TNNI2: variants seen among roughly 807,000 people sequenced by gnomAD.
TNNI2 encodes the protein troponin I, fast skeletal muscle.
Under a neutral mutation model 26.5 loss-of-function variants are expected in TNNI2, and 14 were observed. That is an observed-to-expected ratio of 0.53 (90% CI 0.35 to 0.83). TNNI2 has a LOEUF of 0.83. TNNI2 is among the 40% of genes least tolerant of loss of function. The probability of loss-of-function intolerance (pLI) is 0.01; values close to 1 mark genes in which losing one functional copy is unlikely to be tolerated. For missense variants in TNNI2, 205 were observed against 248.5 expected, an observed-to-expected ratio of 0.82 and a Z score of 1.18; for synonymous variants, 126 against 97.6, an observed-to-expected ratio of 1.29 and a Z score of -1.71.
Position 1,841,247 on chromosome 11 carries a change from C to T in TNNI2, c.453+40C>T, listed in dbSNP as rs368337704. 2.8e-4 allele frequency: 455 copies of T among 1,601,754 alleles called. 1 individual carries two copies. Among genetic ancestry groups the T allele is most frequent in the South Asian group, 2.3e-3 (210 of 90,544 alleles). On this transcript the variant is annotated intron_variant, in intron 7 of 7. Transcript: ENST00000381911. The stretch of plus-strand genomic sequence containing the variant: ...GGGAGCACCACCACACCTACCCTGC[C>T]GGGGAAGCACCTCCCACACCTGCCC...
chr11:1,840,929 GGCGGCAGGCGGGTAGGCGGTGGCCCA>G lies in TNNI2; in HGVS notation c.276+26_276+51del, dbSNP rs746027701. The G allele has an allele frequency of 6.7e-5, 108 of 1,607,520 alleles. No homozygotes were observed. The East Asian group carries it at 2.3e-3, about 34-fold the overall frequency. Reference sequence around the variant, plus strand: ...AGGAGGTGAGTGGTGGCGGCGGGCCGGCGGCAGGCGGGTAGGCGGTGGCCCAGCGGGCAGGCGGGGCGGGCCGGGGA... The same window carrying G: ...AGGAGGTGAGTGGTGGCGGCGGGCCGGCGGGCAGGCGGGGCGGGCCGGGGA... On this transcript the variant is annotated intron_variant, in intron 6 of 7. Transcript: ENST00000381911.
At position 1,840,407 on chromosome 11, in the gene TNNI2, G is replaced by A. The variant is rs752601816; in HGVS notation, c.20G>A (p.Arg7Gln). The A allele has an allele frequency of 1.2e-5, 19 of 1,609,878 alleles. No individual in the cohort carries two copies. The highest frequency in any genetic ancestry group is 5.0e-5 in the Admixed American group (3 of 59,710). Reference sequence around the variant, plus strand: ...CCCCTGTCCCCTGCCCTGCAGAAGCGGAACAGGGCCATCACGGCCCGCAGG... The same window carrying A: ...CCCCTGTCCCCTGCCCTGCAGAAGCAGAACAGGGCCATCACGGCCCGCAGG... MGDEEK[R>Q]NRAITARRQH... Residue 7 changes from arginine (R) to glutamine (Q), a missense_variant, in exon 4 of 8, where the codon CGG (arginine) becomes CAG (glutamine). By Grantham distance (43) the Arg-to-Gln change is conservative. Coordinates refer to ENST00000381911, the MANE Select transcript of TNNI2 (RefSeq NM_003282.4).
chr11:1,840,460 C>CG lies in TNNI2; in HGVS notation c.57+23dup, dbSNP rs760248562. 1.7e-5 allele frequency: 27 copies of CG among 1,610,324 alleles called. No individual in the cohort carries two copies. The highest frequency in any genetic ancestry group is 2.1e-5 in the Non-Finnish European group (25 of 1,179,434). ...GCACCTGAAGGTAGGTGTGGGCTCC[C>CG]GGGGGGGTGGCCCAGGTGGGTCTGC... On this transcript the variant is annotated intron_variant, in intron 4 of 7. Transcript: ENST00000381911.
intron 2 of TNNI2, 31 bp from the exon 3 acceptor site, chr11:1,839,818 C>T (rs781437252): frequency 7.8e-5 from 126 of 1,613,734 alleles, no homozygotes; most frequent in South Asian, 9.9e-5. Flanking sequence ...CTTCTCTCCC[C>T]GTCCTGCCTG....
At chr11:1,839,784 G>T (rs367811813) in intron 2 of TNNI2, 65 bp from the exon 3 acceptor site, 6 of 1,611,746 alleles carry the variant, frequency 3.7e-6, no homozygotes, top group Non-Finnish European at 4.2e-6. Flanking sequence ...CTCCGACCCC[G>T]CCAGCCATGG....
chr11:1,841,123 C>T lies in TNNI2; in HGVS notation c.369C>T (p.Leu123=), dbSNP rs1312006944. The part of the protein sequence containing the change: ...RRVRMSADAM[L]KALLGSKHKV... ...TGCGCATGTCGGCCGATGCCATGCTCAAGGCCCTGCTGGGCTCGAAGCACA... is the reference window on the plus strand; with the variant it reads ...TGCGCATGTCGGCCGATGCCATGCTTAAGGCCCTGCTGGGCTCGAAGCACA... Residue 123 remains leucine (L), a synonymous_variant, in exon 7 of 8, where the codon CTC becomes CTT. Coordinates refer to ENST00000381911, the MANE Select transcript of TNNI2 (RefSeq NM_003282.4). 6.2e-7 allele frequency: 1 copy of T among 1,613,286 alleles called. No homozygotes were observed. The highest frequency in any genetic ancestry group is 8.5e-7 in the Non-Finnish European group (1 of 1,179,974).
At chr11:1,840,048 C>A (rs1847128098) in intron 3 of TNNI2, 193 bp downstream of exon 3, 3 of 1,065,856 alleles carry the variant, frequency 2.8e-6, no homozygotes, top group Middle Eastern at 2.1e-4. Context: ...CCTTCTGGGG[C>A]AGGGGAAGTG....
chr11:1,840,500 C>G, intron 4 of TNNI2, 28 bp from the exon 5 acceptor site: 2 of 1,610,458 alleles, frequency 1.2e-6, no homozygotes, highest in South Asian at 2.2e-5. Context: ...GAGCTGGCTG[C>G]AGCCCCTCAC....
chr11:1,839,773 A>C lies in TNNI2; in HGVS notation c.8+69A>C, dbSNP rs1171690011. On this transcript the variant is annotated intron_variant, in intron 2 of 7. Transcript: ENST00000381911. ...TCCTGCCCTGTCCACCCCATCACAC[A>C]CTCCGACCCCGCCAGCCATGGCCCT... The C allele has an allele frequency of 1.9e-6, 3 of 1,610,852 alleles. No homozygotes were observed. The Admixed American group carries it at 5.0e-5, about 27-fold the overall frequency.
At position 1,841,019 on chromosome 11, in the gene TNNI2, C is replaced by T; in HGVS notation, c.277-12C>T. 6.2e-7 allele frequency: 1 copy of T among 1,611,964 alleles called. No homozygotes were observed. Among genetic ancestry groups the T allele is most frequent in the Non-Finnish European group, 8.5e-7 (1 of 1,179,432 alleles). ...GGGACCTCGGGCTCCCACCCGGCTC[C>T]CCTGCCCACAGCTGGAGGACATGAA... On this transcript the variant is annotated splice_polypyrimidine_tract_variant and intron_variant, in intron 6 of 7. Coordinates refer to ENST00000381911, the MANE Select transcript of TNNI2 (RefSeq NM_003282.4).
At chr11:1,840,264 G>A in intron 3 of TNNI2, 139 bp from the exon 4 acceptor site, 4 of 1,549,322 alleles carry the variant, frequency 2.6e-6, no homozygotes, top group Non-Finnish European at 3.5e-6. Flanking sequence ...GGCCCAGCCT[G>A]CCCATCATGG....
chr11:1,840,047 G>A (rs1847128054), intron 3 of TNNI2, 192 bp downstream of exon 3: 2 of 1,067,544 alleles, frequency 1.9e-6, no homozygotes, highest in Non-Finnish European at 1.4e-6. Context: ...GCCTTCTGGG[G>A]CAGGGGAAGT....
chr11:1,841,100 C>T lies in TNNI2; in HGVS notation c.346C>T (p.Arg116Cys), dbSNP rs1847167684. 6.2e-7 allele frequency: 1 copy of T among 1,613,116 alleles called. No individual in the cohort carries two copies. The highest frequency in any genetic ancestry group is 8.5e-7 in the Non-Finnish European group (1 of 1,179,930). The change falls in exon 7 of 8, where the codon CGC (arginine) becomes TGC (cysteine). Residue 116 changes from arginine (R) to cysteine (C), a missense_variant. By Grantham distance (180) the Arg-to-Cys change is radical (BLOSUM62 -3). Coordinates refer to ENST00000381911, the MANE Select transcript of TNNI2 (RefSeq NM_003282.4). Reference sequence around the variant, plus strand: ...CAAGCGGCCCCCACTGCGGAGGGTGCGCATGTCGGCCGATGCCATGCTCAA... The same window carrying T: ...CAAGCGGCCCCCACTGCGGAGGGTGTGCATGTCGGCCGATGCCATGCTCAA... Reference protein sequence around the residue: ...KFKRPPLRRVRMSADAMLKAL... With the variant: ...KFKRPPLRRVCMSADAMLKAL...
At position 1,841,108 on chromosome 11, in the gene TNNI2, G is replaced by A. The variant is rs141400587; in HGVS notation, c.354G>A (p.Ser118=). 4.3e-4 allele frequency: 690 copies of A among 1,613,224 alleles called. 2 individuals are homozygous for A. The African/African-American group carries it at 7.4e-3, about 17-fold the overall frequency. ...KRPPLRRVRM[S]ADAMLKALLG... ...CCCCACTGCGGAGGGTGCGCATGTC[G>A]GCCGATGCCATGCTCAAGGCCCTGC... is the stretch of plus-strand genomic sequence containing the variant. The change falls in exon 7 of 8, where the codon TCG becomes TCA. Residue 118 remains serine, a synonymous_variant. Transcript: ENST00000381911.
chr11:1,839,366 G>T (rs1005368718), intron 1 of TNNI2: 1 of 460,028 alleles, frequency 2.2e-6, no homozygotes, highest in Non-Finnish European at 4.0e-6. Context: ...AAGAGAGAGG[G>T]TTAAAAATAA....
Position 1,841,438 on chromosome 11 carries a change from C to T in TNNI2, c.454-18C>T, listed in dbSNP as rs1204143628. The T allele has an allele frequency of 6.2e-7, 1 of 1,613,126 alleles. No individual in the cohort carries two copies. Among genetic ancestry groups the T allele is most frequent in the Non-Finnish European group, 8.5e-7 (1 of 1,179,294 alleles). Reference sequence around the variant, plus strand: ...TAAGTGGGTGAGCCTGAGCTCTCTCCTGCCCTCTCCTCCACAGGAGCGGGA... The same window carrying T: ...TAAGTGGGTGAGCCTGAGCTCTCTCTTGCCCTCTCCTCCACAGGAGCGGGA... On this transcript the variant is annotated intron_variant, in intron 7 of 7. Transcript: ENST00000381911.
intron 3 of TNNI2, chr11:1,840,167 C>T: frequency 6.5e-7 from 1 of 1,550,104 alleles, no homozygotes; most frequent in South Asian, 1.2e-5. Flanking sequence ...CTCCCCCAGC[C>T]TCTGGCCTCC....
intron 3 of TNNI2, 57 bp from the exon 4 acceptor site, chr11:1,840,346 G>T: frequency 1.3e-6 from 2 of 1,571,052 alleles, no homozygotes; most frequent in Admixed American, 3.8e-5. Context: ...GTGGAAGGGG[G>T]TGGGGGTGCT....
rs768432453 is a variant in TNNI2 at position 1,841,465 on chromosome 11, C to T, written c.463C>T (p.Leu155=). The T allele has an allele frequency of 5.0e-6, 8 of 1,614,002 alleles. No homozygotes were observed. The highest frequency in any genetic ancestry group is 4.0e-5 in the African/African-American group (3 of 74,924). ...GCCCTCTCCTCCACAGGAGCGGGACCTGCGAGACGTGGGTGACTGGAGGAA... is the reference window on the plus strand; with the variant it reads ...GCCCTCTCCTCCACAGGAGCGGGACTTGCGAGACGTGGGTGACTGGAGGAA... ...KKEDTEKERD[L]RDVGDWRKNI... Residue 155 remains leucine, a synonymous_variant, in exon 8 of 8, where the codon CTG becomes TTG. Coordinates refer to ENST00000381911, the MANE Select transcript of TNNI2 (RefSeq NM_003282.4).
Sources: gnomAD v4.1 joint callset for allele counts on GRCh38, gnomAD v4.1.1 for gene constraint, MANE v1.5 for transcripts, NCBI Gene and HGNC (gene_info 2026-07-23, HGNC 2026-07-21) for gene names.